Variants in NSF observed in about 807,000 individuals in gnomAD.
NSF encodes N-ethylmaleimide sensitive factor, vesicle fusing ATPase.
NSF carries 14 observed loss-of-function variants against 50.3 expected under a neutral mutation model. The observed-to-expected ratio is 0.28, with a 90% CI of 0.18 to 0.44. The LOEUF (loss-of-function observed/expected upper bound fraction) is 0.44, where lower values mean the gene tolerates loss of function less well. NSF is among the 20% of genes least tolerant of loss of function. The pLI is 1.00. For missense variants in NSF, 218 were observed against 504.3 expected (o/e 0.43, Z 5.44); for synonymous variants, 109 against 175.7 (o/e 0.62, Z 3.00).
At chr17:46,734,734 A>G (rs906160869) in intron 17 of NSF, among the ~76,000 whole-genome samples, 5 of 152,188 alleles carry the variant, frequency 3.3e-5, no homozygotes, top group Non-Finnish European at 7.3e-5. Flanking sequence ...TAGTACATAT[A>G]TATGTAGATT....
At chr17:46,696,424 A>T (rs1293394294) in intron 12 of NSF, among the ~76,000 whole-genome samples, 3 of 138,936 alleles carry the variant, frequency 2.2e-5, no homozygotes, top group African/African-American at 8.9e-5. Context: ...CTCATGTCAG[A>T]TATGGTCAAC....
At chr17:46,753,078 C>T (rs945345413) in intron 19 of NSF, among the ~76,000 whole-genome samples, 1 of 152,188 alleles carries the variant, frequency 6.6e-6, no homozygotes, top group Non-Finnish European at 1.5e-5. Context: ...CAGTAAACTT[C>T]TGTTGGATGA....
At position 46,703,690 on chromosome 17, in the gene NSF, A is replaced by C. The variant is rs944422387; in HGVS notation, c.1375-1069A>C. Among the ~76,000 whole-genome samples, 16 of 151,094 alleles carry C rather than the reference A, an allele frequency of 1.1e-4. No individual in the cohort carries two copies. The East Asian group carries it at 2.5e-3, about 24-fold the overall frequency. ...AGTGAGACTCCGTCTCAAAAAAAAA[A>C]AAAAAAAAAAAAAACAAAAAACAGA... On this transcript the variant is annotated intron_variant, in intron 12 of 20. Transcript: ENST00000398238.
chr17:46,737,075 C>G (rs575845879), intron 17 of NSF, among the ~76,000 whole-genome samples: 30 of 152,264 alleles, frequency 2.0e-4, no homozygotes, highest in Non-Finnish European at 4.0e-4. Flanking sequence ...TAAGGAACAT[C>G]TGCTTTTATT....
rs1374633889 is a variant in NSF, at chr17:46,690,624, AATATAT to A, written c.946-2266_946-2261del. Among the ~76,000 whole-genome samples the A allele has an allele frequency of 4.1e-4, 46 of 110,954 alleles. 1 individual carries two copies. The highest frequency in any genetic ancestry group is 1.3e-3 in the African/African-American group (39 of 29,260). 72.8% of individuals were successfully genotyped at this position (110,954 alleles called of 152,430 possible). A position where few individuals can be genotyped will look rare whatever the true frequency, so the allele number is the denominator to read the frequency against. On this transcript the variant is annotated intron_variant, in intron 9 of 20. Transcript: ENST00000398238. Reference sequence around the variant, plus strand: ...GAGACTCCGTCTCAAAAAAAAAAAAAATATATATATATATATATTGTATAGGGATGG... The same window carrying A: ...GAGACTCCGTCTCAAAAAAAAAAAAAATATATATATATTGTATAGGGATGG...
intron 15 of NSF, among the ~76,000 whole-genome samples, chr17:46,718,899 AAGTGG>A (rs2058800882): frequency 6.6e-6 from 1 of 152,218 alleles, no homozygotes. Context: ...AAATTCTCAG[AAGTGG>A]GATTGCTAAG....
At chr17:46,733,992 A>C (rs1400483300) in intron 17 of NSF, among the ~76,000 whole-genome samples, 1 of 152,194 alleles carries the variant, frequency 6.6e-6, no homozygotes, top group Non-Finnish European at 1.5e-5. Flanking sequence ...CATTCTCAGG[A>C]TGGGGACTTG....
chr17:46,598,396 T>C (rs2146095038), intron 1 of NSF, among the ~76,000 whole-genome samples: 1 of 148,436 alleles, frequency 6.7e-6, no homozygotes, highest in South Asian at 2.2e-4. Flanking sequence ...TTTTGTATGC[T>C]TATCTTTTAA....
intron 15 of NSF, among the ~76,000 whole-genome samples, chr17:46,726,223 T>G (rs558320291): frequency 6.6e-6 from 1 of 152,348 alleles, no homozygotes; most frequent in Non-Finnish European, 1.5e-5. Flanking sequence ...TCCATCTAGC[T>G]CTTGAGTCAT....
At chr17:46,691,519 C>T (rs1467912060) in intron 9 of NSF, among the ~76,000 whole-genome samples, 5 of 144,744 alleles carry the variant, frequency 3.5e-5, no homozygotes, top group Admixed American at 6.9e-5. Context: ...CACTTGAACC[C>T]GGGAGGCAGA....
intron 17 of NSF, among the ~76,000 whole-genome samples, chr17:46,743,549 T>TCTA: frequency 6.6e-6 from 1 of 152,248 alleles, no homozygotes; most frequent in East Asian, 1.9e-4. Context: ...TGATGGGGCC[T>TCTA]CTACTTCTGT....
At chr17:46,748,083 A>C (rs1289479480) in intron 17 of NSF, among the ~76,000 whole-genome samples, 1 of 152,220 alleles carries the variant, frequency 6.6e-6, no homozygotes, top group Non-Finnish European at 1.5e-5. Flanking sequence ...ATTGTGAGAA[A>C]AAAATTATTT....
intron 19 of NSF, 74 bp downstream of exon 19, chr17:46,751,690 C>CCTG: frequency 1.2e-6 from 1 of 837,630 alleles, no homozygotes; most frequent in African/African-American, 1.7e-5. Flanking sequence ...TCAGTATTTC[C>CCTG]TTTGCCAAGG....
chr17:46,737,328 A>G (rs574863597), intron 17 of NSF, among the ~76,000 whole-genome samples: 1 of 152,282 alleles, frequency 6.6e-6, no homozygotes, highest in South Asian at 2.1e-4. Context: ...AGCAGATAGG[A>G]ATATAGGATA....
At chr17:46,744,762 C>T (rs996838934) in intron 17 of NSF, among the ~76,000 whole-genome samples, 1 of 152,154 alleles carries the variant, frequency 6.6e-6, no homozygotes, top group Admixed American at 6.5e-5. Context: ...GCTTAGTACT[C>T]GCTCATTCTT....
In NSF at chr17:46,756,087, T is replaced by TC; in HGVS notation, c.*267dup. On this transcript the variant is annotated 3_prime_UTR_variant, in exon 21 of 21. Transcript: ENST00000398238. ...GCTAAAGTGATTCCTTCTTGCTCAG[T>TC]CCCTCTGGGTGGGAACCATCCAGTA... 2.4e-6 allele frequency: 1 copy of TC among 425,116 alleles called. No individual in the cohort carries two copies. Among genetic ancestry groups the TC allele is most frequent in the Non-Finnish European group, 4.2e-6 (1 of 237,210 alleles). The allele number at this position is 425,116 out of a possible 1,614,324, so 26.3% of individuals were successfully genotyped here. A position where few individuals can be genotyped will look rare whatever the true frequency, so the allele number is the denominator to read the frequency against.
At chr17:46,744,963 T>G (rs1456215126) in intron 17 of NSF, among the ~76,000 whole-genome samples, 2 of 152,236 alleles carry the variant, frequency 1.3e-5, no homozygotes, top group African/African-American at 2.4e-5. Context: ...TTTTTCTTTA[T>G]AGCATCAGGA....
intron 15 of NSF, among the ~76,000 whole-genome samples, chr17:46,716,897 T>C (rs2058777145): frequency 6.6e-6 from 1 of 152,266 alleles, no homozygotes; most frequent in Non-Finnish European, 1.5e-5. Context: ...ATGAACTTTT[T>C]TCAGTGTAAC....
chr17:46,657,495 A>G (rs2058269443), intron 8 of NSF, among the ~76,000 whole-genome samples: 1 of 146,536 alleles, frequency 6.8e-6, no homozygotes, highest in Non-Finnish European at 1.5e-5. Context: ...GACTAGAAAT[A>G]GAAACTTTTT....
Sources: gnomAD v4.1 joint callset for allele counts (sites outside exome capture counted in the v4.1 genomes callset) on GRCh38, gnomAD v4.1.1 for gene constraint, MANE v1.5 for transcripts, NCBI Gene and HGNC (gene_info 2026-07-23, HGNC 2026-07-21) for gene names.